GFRA2: variants seen among roughly 807,000 people sequenced by gnomAD.
GFRA2 encodes GDNF family receptor alpha 2, also known as GDNF family receptor alpha-2.
A neutral mutation model predicts 48.3 loss-of-function variants in GFRA2; 17 were observed. That is an observed-to-expected ratio of 0.35 (90% CI 0.24 to 0.53). The LOEUF is 0.53. Ranked by LOEUF, GFRA2 falls within the 20% of genes least tolerant of loss-of-function variation. The pLI is 0.93. For missense variants in GFRA2, 660 were observed against 637.3 expected (o/e 1.04, Z -0.38); for synonymous variants, 305 against 257.2 (o/e 1.19, Z -1.78).
At chr8:21,706,423 C>T (rs1262398721) in intron 4 of GFRA2, 5 of 464,556 alleles carry the variant, frequency 1.1e-5, no homozygotes, top group Non-Finnish European at 1.7e-5. Flanking sequence ...AGGCTGCAGC[C>T]CTGGATGAGC....
chr8:21,717,741 G>A (rs926897129), intron 4 of GFRA2, among the ~76,000 whole-genome samples: 1 of 152,186 alleles, frequency 6.6e-6, no homozygotes, highest in African/African-American at 2.4e-5. Flanking sequence ...TTCCTGGGCT[G>A]CTCCAGATCC....
At chr8:21,705,760 T>C (rs1002632160) in intron 5 of GFRA2, among the ~76,000 whole-genome samples, 172 bp downstream of exon 5, 1 of 152,214 alleles carries the variant, frequency 6.6e-6, no homozygotes, top group Non-Finnish European at 1.5e-5. Flanking sequence ...CTCCGCCTTG[T>C]TACAAAACTG....
At chr8:21,721,809 G>A (rs976855837) in intron 4 of GFRA2, among the ~76,000 whole-genome samples, 4 of 152,136 alleles carry the variant, frequency 2.6e-5, no homozygotes, top group Non-Finnish European at 1.5e-5. Flanking sequence ...AGACCCACCA[G>A]GAAGCAGGGA....
intron 4 of GFRA2, among the ~76,000 whole-genome samples, chr8:21,731,344 G>A (rs1426654032): frequency 1.3e-5 from 2 of 152,154 alleles, no homozygotes; most frequent in Non-Finnish European, 2.9e-5. Flanking sequence ...GAACGATGAG[G>A]ATGTGGCCAC....
intron 3 of GFRA2, among the ~76,000 whole-genome samples, chr8:21,752,735 C>A (rs552239697): frequency 6.6e-6 from 1 of 152,242 alleles, no homozygotes; most frequent in African/African-American, 2.4e-5. Flanking sequence ...CGTATTTCCC[C>A]CCAAAACCTG....
At chr8:21,777,082 CCT>C (rs1284907329) in intron 2 of GFRA2, among the ~76,000 whole-genome samples, 6 of 152,110 alleles carry the variant, frequency 3.9e-5, no homozygotes, top group Middle Eastern at 3.2e-3. Flanking sequence ...TATTTTTCTC[CCT>C]GTTTGACTGA....
chr8:21,749,680 T>G (rs1805181374), intron 4 of GFRA2, among the ~76,000 whole-genome samples: 1 of 134,632 alleles, frequency 7.4e-6, no homozygotes, highest in Non-Finnish European at 1.5e-5. Context: ...AAGTCCCTTT[T>G]ATATATATAT....
At chr8:21,698,465 G>A (rs1384218903) in intron 7 of GFRA2, among the ~76,000 whole-genome samples, 2 of 152,136 alleles carry the variant, frequency 1.3e-5, no homozygotes, top group East Asian at 1.9e-4. Context: ...CCCCCGAAGC[G>A]CAGGCCGGCA....
At chr8:21,754,833 A>G (rs190531348) in intron 3 of GFRA2, among the ~76,000 whole-genome samples, 363 of 152,306 alleles carry the variant, frequency 2.4e-3, no homozygotes, top group African/African-American at 8.5e-3. Context: ...AAAGGCAGAA[A>G]GAGAAAAGTG....
At chr8:21,792,587 A>G (rs1807591916), upstream of GFRA2, among the ~76,000 whole-genome samples, 9 of 152,352 alleles carry the variant, frequency 5.9e-5, no homozygotes, top group South Asian at 1.9e-3. Context: ...AAGATACTGA[A>G]AAAAACAAAG....
At chr8:21,757,237 C>T (rs1204485910) in intron 3 of GFRA2, among the ~76,000 whole-genome samples, 1 of 152,176 alleles carries the variant, frequency 6.6e-6, no homozygotes, top group African/African-American at 2.4e-5. Flanking sequence ...CGCAGCCACA[C>T]CCAGCCCAGC....
intron 1 of GFRA2, among the ~76,000 whole-genome samples, chr8:21,786,663 G>A (rs940119296): frequency 1.4e-4 from 22 of 152,298 alleles, no homozygotes; most frequent in Non-Finnish European, 2.5e-4. Context: ...TAGGACCTCT[G>A]AGGCCACACC....
chr8:21,751,926 A>G (rs2117600756), intron 3 of GFRA2, among the ~76,000 whole-genome samples: 1 of 152,214 alleles, frequency 6.6e-6, no homozygotes, highest in East Asian at 1.9e-4. Flanking sequence ...GGAGAACAGC[A>G]CAATAGCCAA....
chr8:21,802,077 T>C (rs1259705716), intron 2 of GFRA2, among the ~76,000 whole-genome samples: 1 of 152,210 alleles, frequency 6.6e-6, no homozygotes, highest in Non-Finnish European at 1.5e-5. Context: ...AGTTTGCAGA[T>C]TGGAAATGCA....
At chr8:21,712,465 C>T (rs1291776807) in intron 4 of GFRA2, among the ~76,000 whole-genome samples, 4 of 151,288 alleles carry the variant, frequency 2.6e-5, no homozygotes, top group South Asian at 2.1e-4. Flanking sequence ...CGGGAAGAGG[C>T]GCTCCTCACT....
At position 21,794,899 on chromosome 8, in the gene GFRA2, T is replaced by C. The variant is rs749731612; in HGVS notation, c.-35-6705A>G. 2.7e-3 allele frequency among the ~76,000 whole-genome samples: 404 copies of C among 152,336 alleles called. 1 individual carries two copies. Among genetic ancestry groups the C allele is most frequent in the Non-Finnish European group, 4.6e-3 (315 of 68,040 alleles). ...TGGGGCAGGCTGGGTGGGACTGGGC[T>C]AGGAGGGAAGAAATGCATACTGCAC... is the stretch of plus-strand genomic sequence containing the variant. On this transcript the variant is annotated intron_variant, in intron 2 of 10. Transcript: ENST00000517328.
intron 6 of GFRA2, among the ~76,000 whole-genome samples, chr8:21,703,556 G>A (rs372777964): frequency 3.9e-5 from 6 of 152,136 alleles, no homozygotes; most frequent in Non-Finnish European, 7.4e-5. Flanking sequence ...TCTCAAACTC[G>A]TTATGTCTAA....
chr8:21,794,395 C>T (rs1199663088), intron 2 of GFRA2, among the ~76,000 whole-genome samples: 1 of 151,800 alleles, frequency 6.6e-6, no homozygotes, highest in Non-Finnish European at 1.5e-5. Flanking sequence ...AGATTACAGG[C>T]ACCCACCACC....
upstream of GFRA2, chr8:21,790,208 G>T (rs1807528799): frequency 6.2e-6 from 3 of 485,944 alleles, no homozygotes; most frequent in Non-Finnish European, 8.0e-6. Context: ...GGTCGCGGTC[G>T]CGCGAGGGCT....
Sources: allele counts gnomAD v4.1 joint callset (sites outside exome capture counted in the v4.1 genomes callset), GRCh38; gene constraint gnomAD v4.1.1; transcripts MANE v1.5; gene names NCBI Gene and HGNC (gene_info 2026-07-23, HGNC 2026-07-21).